MORF4L2: variants seen among roughly 807,000 people sequenced by gnomAD.
The protein encoded by MORF4L2 is mortality factor 4-like protein 2.
A neutral mutation model predicts 12.0 loss-of-function variants in MORF4L2; 1 was observed. That is an observed-to-expected ratio of 0.08 (90% CI 0.03 to 0.40). MORF4L2 has a LOEUF of 0.40. Among genes scored for constraint, MORF4L2 ranks in the 10% least tolerant of loss-of-function variants. The pLI is 0.98. For synonymous variants in MORF4L2, 69 were observed against 81.6 expected, an observed-to-expected ratio of 0.85 and a Z score of 0.83; for missense variants, 123 against 214.0, an observed-to-expected ratio of 0.57 and a Z score of 2.65.
intron 2 of MORF4L2, among the ~76,000 whole-genome samples, chrX:103,683,667 G>T: frequency 8.9e-6 from 1 of 111,736 alleles, no homozygotes; most frequent in Admixed American, 9.5e-5. Flanking sequence ...TTTATTCATG[G>T]ATCTCACAAA....
chrX:103,682,624 G>A lies in MORF4L2; in HGVS notation c.-178+2547C>T, dbSNP rs140973159. Among the ~76,000 whole-genome samples, 736 of 111,939 alleles carry A rather than the reference G, an allele frequency of 6.6e-3. 6 individuals carry two copies. The highest frequency in any genetic ancestry group is 0.022 in the African/African-American group (678 of 30,876). The stretch of plus-strand genomic sequence containing the variant: ...CATCCTTCACACATTCAATGGTCAC[G>A]TTATCGTATATGAATATTTTTGTTC... On this transcript the variant is annotated intron_variant, in intron 2 of 3. Coordinates refer to ENST00000441076, the MANE Select transcript of MORF4L2 (RefSeq NM_012286.3).
intron 2 of MORF4L2, among the ~76,000 whole-genome samples, chrX:103,684,232 A>C (rs1176502580): frequency 9.0e-6 from 1 of 111,327 alleles, no homozygotes; most frequent in Non-Finnish European, 1.9e-5. Flanking sequence ...CATTCATATC[A>C]ATTTTCTCTT....
In MORF4L2 at chrX:103,677,019, G is replaced by T. The variant is rs761704639; in HGVS notation, c.9C>A (p.Ser3=). MS[S]RKQGSQPRGQ... is the part of the protein sequence containing the mutation. ...CACGAGGTTGAGAACCCTGCTTTCT[G>T]GAACTCATTCAACCCTGTTTTTATT... is the stretch of plus-strand genomic sequence containing the variant. The change falls in exon 4 of 4, where the codon TCC becomes TCA. Residue 3 remains serine (S), a synonymous_variant. Transcript: ENST00000441076. The T allele has an allele frequency of 1.7e-6, 2 of 1,188,474 alleles. No homozygotes were observed. Among genetic ancestry groups the T allele is most frequent in the East Asian group, 3.0e-5 (1 of 33,349 alleles).
intron 2 of MORF4L2, among the ~76,000 whole-genome samples, chrX:103,678,924 T>C (rs1322002179): frequency 8.9e-6 from 1 of 111,940 alleles, no homozygotes; most frequent in Non-Finnish European, 1.9e-5. Flanking sequence ...GAGAATTTCA[T>C]AAAGGTGATG....
chrX:103,679,860 CAAAAAAAAAAAAAA>C (rs1157909391), intron 2 of MORF4L2, among the ~76,000 whole-genome samples: 1 of 47,737 alleles, frequency 2.1e-5, no homozygotes, highest in Non-Finnish European at 3.5e-5. Flanking sequence ...CACCTGTGGG[CAAAAAAAAAAAAAA>C]AAAAAAAAAA....
chrX:103,680,215 C>T (rs1403052440), intron 2 of MORF4L2, among the ~76,000 whole-genome samples: 1 of 112,668 alleles, frequency 8.9e-6, no homozygotes, highest in Non-Finnish European at 1.9e-5. Flanking sequence ...AATATGCATG[C>T]ATGCATGCTT....
chrX:103,680,015 G>A (rs1262783580), intron 2 of MORF4L2, among the ~76,000 whole-genome samples: 5 of 111,192 alleles, frequency 4.5e-5, no homozygotes, highest in Admixed American at 9.5e-5. Flanking sequence ...GTGAAACCCT[G>A]TCCCTACTAA....
chrX:103,681,824 T>A (rs912107869), intron 2 of MORF4L2, among the ~76,000 whole-genome samples: 9 of 111,936 alleles, frequency 8.0e-5, no homozygotes, highest in Middle Eastern at 4.2e-3. Context: ...TTAATCCATC[T>A]AGTAGTTTGC....
chrX:103,686,971 GT>G (rs11395120), upstream of MORF4L2, among the ~76,000 whole-genome samples: 35 of 103,618 alleles, frequency 3.4e-4, no homozygotes, highest in East Asian at 1.2e-3. Context: ...GCCCTCTTAG[GT>G]TTTTTTTTTT....
chrX:103,683,894 C>T lies in MORF4L2; in HGVS notation c.-178+1277G>A, dbSNP rs772993249. Among the ~76,000 whole-genome samples, 120 of 111,113 alleles carry T rather than the reference C, an allele frequency of 1.1e-3. 1 individual carries two copies. Among genetic ancestry groups the T allele is most frequent in the Middle Eastern group, 4.6e-3 (1 of 217 alleles). On this transcript the variant is annotated intron_variant, in intron 2 of 3. Transcript: ENST00000441076. ...GTTGGCTTAACAGTCCACCCCTTACCTTTGGCCCCTAATCATTCTCTAAAT... is the reference window on the plus strand; with the variant it reads ...GTTGGCTTAACAGTCCACCCCTTACTTTTGGCCCCTAATCATTCTCTAAAT...
Position 103,676,733 on chromosome X carries a change from G to A in MORF4L2, c.295C>T (p.Arg99Trp). The change falls in exon 4 of 4, where the codon CGG (arginine) becomes TGG (tryptophan). Residue 99 changes from arginine (R) to tryptophan (W), a missense_variant. By Grantham distance (101) the Arg-to-Trp change is moderately radical. Coordinates refer to ENST00000441076, the MANE Select transcript of MORF4L2 (RefSeq NM_012286.3). ...GSTSEAPQPP[R>W]KKRARADPTV... ...GGGTCTGCCCGGGCCCTTTTCTTCC[G>A]AGGGGGCTGAGGTGCTTCGCTGGTA... The A allele has an allele frequency of 8.3e-7, 1 of 1,205,881 alleles. No homozygotes were observed. Among genetic ancestry groups the A allele is most frequent in the Non-Finnish European group, 1.1e-6 (1 of 894,123 alleles).
intron 2 of MORF4L2, among the ~76,000 whole-genome samples, chrX:103,683,267 C>T (rs1348718991): frequency 9.1e-6 from 1 of 110,358 alleles, no homozygotes; most frequent in Non-Finnish European, 1.9e-5. Context: ...CCATCTTGGC[C>T]AGGCTGGTCT....
rs377051485 is a variant in MORF4L2, at chrX:103,676,495, G to A, written c.533C>T (p.Ala178Val). 7 of 1,208,376 alleles carry A rather than the reference G, an allele frequency of 5.8e-6. No homozygotes were observed. The highest frequency in any genetic ancestry group is 1.8e-5 in the African/African-American group (1 of 56,788). Residue 178 changes from alanine to valine, a missense_variant, in exon 4 of 4, where the codon GCG becomes GTG. Transcript: ENST00000441076. ...SQGNVDNKEY[A>V]VNEVVAGIKE... The stretch of plus-strand genomic sequence containing the variant: ...TATTCCTGCCACAACTTCATTAACC[G>A]CATATTCCTTATTATCAACATTTCC...
chrX:103,678,983 A>C (rs898197620), intron 2 of MORF4L2, among the ~76,000 whole-genome samples: 1 of 111,923 alleles, frequency 8.9e-6, no homozygotes, highest in Non-Finnish European at 1.9e-5. Flanking sequence ...GCACATGGAT[A>C]CAAAGATGTT....
chrX:103,681,542 A>G (rs1311992907), intron 2 of MORF4L2, among the ~76,000 whole-genome samples: 4 of 111,731 alleles, frequency 3.6e-5, no homozygotes, highest in African/African-American at 6.5e-5. Context: ...CATTTTGTGT[A>G]AACATTTTTT....
intron 2 of MORF4L2, among the ~76,000 whole-genome samples, chrX:103,680,303 A>G (rs775693096): frequency 7.1e-5 from 8 of 113,064 alleles, no homozygotes; most frequent in Non-Finnish European, 1.5e-4. Context: ...CTAAGCAAAC[A>G]ATATCCTCTA....
At chrX:103,685,133 T>C (rs1333749867) in intron 2 of MORF4L2, 38 bp downstream of exon 2, 2 of 112,277 alleles carry the variant, frequency 1.8e-5, no homozygotes, top group African/African-American at 6.5e-5. Context: ...TGTGGTATTA[T>C]CCTGTTTGAG....
upstream of MORF4L2, chrX:103,687,301 A>G (rs1249335203): frequency 8.9e-6 from 1 of 111,985 alleles, no homozygotes; most frequent in African/African-American, 3.3e-5. Context: ...CACGGAAAAA[A>G]AAGGCGCAGT....
intron 2 of MORF4L2, among the ~76,000 whole-genome samples, chrX:103,683,671 T>A (rs781000760): frequency 1.1e-3 from 121 of 112,308 alleles, no homozygotes; most frequent in Non-Finnish European, 2.1e-3. Flanking sequence ...TTCATGGATC[T>A]CACAAATGGC....
Sources: allele counts gnomAD v4.1 joint callset (sites outside exome capture counted in the v4.1 genomes callset), GRCh38; gene constraint gnomAD v4.1.1; transcripts MANE v1.5; gene names NCBI Gene and HGNC (gene_info 2026-07-23, HGNC 2026-07-21).